The following OXCT1 variants were observed in gnomAD, a reference collection of about 807,000 sequenced individuals.
The protein encoded by OXCT1 is succinyl-CoA:3-ketoacid coenzyme A transferase 1, mitochondrial.
In OXCT1, 27 loss-of-function variants were observed where a neutral mutation model predicts 69.6. That is an observed-to-expected ratio of 0.39 (90% confidence interval 0.29 to 0.54). OXCT1 has a LOEUF of 0.54. OXCT1 is among the 20% of genes least tolerant of loss of function. The pLI, the probability that OXCT1 is intolerant of heterozygous loss-of-function variation, is 0.72. For synonymous variants in OXCT1, 202 were observed against 217.8 expected (o/e 0.93, Z 0.64); for missense variants, 437 against 650.2 (o/e 0.67, Z 3.57).
At chr5:41,867,792 T>C (rs1391587418) in intron 1 of OXCT1, among the ~76,000 whole-genome samples, 1 of 152,220 alleles carries the variant, frequency 6.6e-6, no homozygotes, top group Non-Finnish European at 1.5e-5. Context: ...GGGTCAAGGA[T>C]GAATGGTGGG....
chr5:41,857,526 C>T lies in OXCT1; in HGVS notation c.278+3788G>A, dbSNP rs147455850. Among the ~76,000 whole-genome samples, 843 of 152,282 alleles carry T rather than the reference C, an allele frequency of 5.5e-3. 2 individuals carry two copies. Among genetic ancestry groups the T allele is most frequent in the Admixed American group, 1.0e-2 (153 of 15,304 alleles). On this transcript the variant is annotated intron_variant, in intron 3 of 16. Coordinates refer to ENST00000196371, the MANE Select transcript of OXCT1 (RefSeq NM_000436.4). ...GTTCAGCCACTCTGACCGGGTTCACCCAATGGGAGGCACCATCAAGAGGAT... is the reference window on the plus strand; with the variant it reads ...GTTCAGCCACTCTGACCGGGTTCACTCAATGGGAGGCACCATCAAGAGGAT...
chr5:41,749,635 A>G, intron 14 of OXCT1, 28 bp from the exon 15 acceptor site: 1 of 1,452,508 alleles, frequency 6.9e-7, no homozygotes, highest in Non-Finnish European at 9.7e-7. Flanking sequence ...CATCAAAAAG[A>G]GTAGTTAGGG....
At chr5:41,846,401 G>A (rs1416619726) in intron 5 of OXCT1, among the ~76,000 whole-genome samples, 18 of 147,416 alleles carry the variant, frequency 1.2e-4, no homozygotes, top group South Asian at 2.2e-4. Flanking sequence ...TTGTTCTTGC[G>A]ATAGTTTACT....
At position 41,807,405 on chromosome 5, in the gene OXCT1, G is replaced by C. The variant is rs1298348068; in HGVS notation, c.766C>G (p.Pro256Ala). The stretch of plus-strand genomic sequence containing the variant: ...ATCTGAGGAATATGGATGTCTTCTG[G>C]AGCAAATGCTCCAATATCCACAATT... ...EEIVDIGAFAPEDIHIPQIYV... is the reference protein window; with the variant it reads ...EEIVDIGAFAAEDIHIPQIYV... Residue 256 changes from proline to alanine, a missense_variant, in exon 8 of 17, where the codon CCA (proline) becomes GCA (alanine). This residue lies in a region of OXCT1 where 252 missense variants were observed against 397.4 expected (regional missense o/e 0.63). Transcript: ENST00000196371. The C allele has an allele frequency of 6.2e-7, 1 of 1,605,638 alleles. No homozygotes were observed. Among genetic ancestry groups the C allele is most frequent in the South Asian group, 1.1e-5 (1 of 90,920 alleles).
chr5:41,788,691 A>G (rs1456867647), intron 13 of OXCT1, among the ~76,000 whole-genome samples: 1 of 152,222 alleles, frequency 6.6e-6, no homozygotes, highest in Admixed American at 6.5e-5. Context: ...AAAAACAGAC[A>G]AATCCACAAT....
chr5:41,764,862 G>A (rs1481342660), intron 13 of OXCT1, among the ~76,000 whole-genome samples: 2 of 152,114 alleles, frequency 1.3e-5, no homozygotes, highest in African/African-American at 4.8e-5. Context: ...CCCATTAGGT[G>A]GTAAGAGCAA....
chr5:41,757,741 G>C (rs1186731037), intron 14 of OXCT1, among the ~76,000 whole-genome samples: 1 of 152,090 alleles, frequency 6.6e-6, no homozygotes, highest in African/African-American at 2.4e-5. Flanking sequence ...ACAGAGGTAG[G>C]AATAAGCCAG....
At chr5:41,811,581 G>A (rs1746988892) in intron 7 of OXCT1, among the ~76,000 whole-genome samples, 1 of 151,958 alleles carries the variant, frequency 6.6e-6, no homozygotes, top group African/African-American at 2.4e-5. Flanking sequence ...TCATGCTAAG[G>A]AATGATAGGA....
chr5:41,860,836 G>A (rs762571939), intron 3 of OXCT1, among the ~76,000 whole-genome samples: 18 of 151,748 alleles, frequency 1.2e-4, no homozygotes, highest in Non-Finnish European at 2.2e-4. Context: ...TCCAAGACCA[G>A]CCATGTTTTT....
intron 13 of OXCT1, among the ~76,000 whole-genome samples, chr5:41,765,336 C>A (rs532840118): frequency 2.0e-5 from 3 of 152,132 alleles, no homozygotes; most frequent in African/African-American, 7.2e-5. Context: ...GCAATCTGGA[C>A]GCTGACATCC....
chr5:41,834,487 C>CAAAAAAA (rs1209653207), intron 7 of OXCT1, among the ~76,000 whole-genome samples: 11 of 75,080 alleles, frequency 1.5e-4, no homozygotes, highest in Non-Finnish European at 2.5e-4. Flanking sequence ...TGGAAACCCA[C>CAAAAAAA]AAAAAAAAAA....
chr5:41,842,547 G>A (rs1748677973), intron 6 of OXCT1, 128 bp downstream of exon 6: 1 of 758,046 alleles, frequency 1.3e-6, no homozygotes, highest in Non-Finnish European at 2.4e-6. Context: ...ACCTATATAT[G>A]TGCAATACAC....
chr5:41,861,963 C>T (rs1191126774), intron 2 of OXCT1, among the ~76,000 whole-genome samples: 12 of 152,130 alleles, frequency 7.9e-5, no homozygotes, highest in South Asian at 2.1e-4. Flanking sequence ...GTAATCCCAG[C>T]GCTTTGGGAG....
intron 13 of OXCT1, among the ~76,000 whole-genome samples, chr5:41,781,270 T>C (rs1431529357): frequency 6.6e-6 from 1 of 152,116 alleles, no homozygotes; most frequent in African/African-American, 2.4e-5. Context: ...GAAAGGACTG[T>C]ATTGGGTTTG....
chr5:41,844,939 T>C (rs190182708), intron 5 of OXCT1, among the ~76,000 whole-genome samples: 125 of 132,122 alleles, frequency 9.5e-4, no homozygotes, highest in African/African-American at 3.6e-3. Flanking sequence ...CTTGGCTTCC[T>C]AGCAAAAAAA....
chr5:41,821,455 CAT>C (rs1186109380), intron 7 of OXCT1, among the ~76,000 whole-genome samples: 2 of 152,326 alleles, frequency 1.3e-5, no homozygotes, highest in African/African-American at 4.8e-5. Context: ...TTCCAACCAA[CAT>C]AGTGATTTAA....
At chr5:41,828,160 T>C (rs935736976) in intron 7 of OXCT1, among the ~76,000 whole-genome samples, 2 of 152,106 alleles carry the variant, frequency 1.3e-5, no homozygotes, top group African/African-American at 4.8e-5. Context: ...TAGGCTGGAG[T>C]GCACTGGCAA....
chr5:41,792,744 G>A (rs1745984356), intron 13 of OXCT1, among the ~76,000 whole-genome samples: 1 of 151,970 alleles, frequency 6.6e-6, no homozygotes, highest in African/African-American at 2.4e-5. Flanking sequence ...ATTTGCTAAG[G>A]GTTCTTATTA....
intron 7 of OXCT1, among the ~76,000 whole-genome samples, chr5:41,813,643 T>C (rs1030281515): frequency 5.3e-5 from 8 of 151,988 alleles, no homozygotes; most frequent in Non-Finnish European, 7.4e-5. Flanking sequence ...TGCATCCCTT[T>C]CTCTAACAGA....
Sources: gnomAD v4.1 joint callset for allele counts (sites outside exome capture counted in the v4.1 genomes callset) on GRCh38, gnomAD v4.1.1 for gene constraint, gnomAD v4.1.1 regional missense constraint, MANE v1.5 for transcripts, NCBI Gene and HGNC (gene_info 2026-07-23, HGNC 2026-07-21) for gene names.